Variants in SOX6 observed in about 807,000 individuals in gnomAD.
SOX6 encodes the protein SRY-box transcription factor 6, also known as transcription factor SOX-6.
SOX6 carries 11 observed loss-of-function variants against 97.8 expected under a neutral mutation model. The observed-to-expected ratio is 0.11, with a 90% CI of 0.07 to 0.19. The LOEUF is 0.19. Ranked by LOEUF, SOX6 falls within the 10% of genes least tolerant of loss-of-function variation. SOX6 has a pLI of 1.00. For synonymous variants in SOX6, 360 were observed against 371.4 expected, an observed-to-expected ratio of 0.97 and a Z score of 0.35; for missense variants, 810 against 1,039.5, an observed-to-expected ratio of 0.78 and a Z score of 3.04.
Position 16,234,667 on chromosome 11 carries a change from G to A in SOX6, c.450C>T (p.Ser150=). Residue 150 remains serine (S), a synonymous_variant, in exon 4 of 16, where the codon TCC becomes TCT. Transcript: ENST00000683767. The part of the protein sequence containing the change: ...EEMTRTEQED[S]SCMEKLLSKD... Reference sequence around the variant, plus strand: ...TTGAAAGTAGTTTTTCCATGCAGGAGGAATCTATTAAAATACAAAAGTAAG... The same window carrying A: ...TTGAAAGTAGTTTTTCCATGCAGGAAGAATCTATTAAAATACAAAAGTAAG... 6.4e-7 allele frequency: 1 copy of A among 1,552,510 alleles called. No individual in the cohort carries two copies. The highest frequency in any genetic ancestry group is 8.8e-7 in the Non-Finnish European group (1 of 1,132,108).
intron 1 of SOX6, among the ~76,000 whole-genome samples, chr11:16,737,415 C>T (rs562402688): frequency 6.6e-6 from 1 of 152,098 alleles, no homozygotes; most frequent in East Asian, 1.9e-4. Context: ...CCATGTTGAT[C>T]AGGCTGGTCT....
intron 3 of SOX6, among the ~76,000 whole-genome samples, chr11:16,239,762 A>G (rs1350208599): frequency 6.6e-6 from 1 of 151,990 alleles, no homozygotes; most frequent in Non-Finnish European, 1.5e-5. Flanking sequence ...TAAGGAATGC[A>G]CCAACTGTTT....
chr11:16,520,967 A>T (rs1369538109), intron 4 of SOX6, among the ~76,000 whole-genome samples: 1 of 152,244 alleles, frequency 6.6e-6, no homozygotes, highest in Non-Finnish European at 1.5e-5. Flanking sequence ...AGGTAAACAA[A>T]GCAGCCGGGA....
At chr11:16,276,338 C>T (rs1368854487) in intron 3 of SOX6, among the ~76,000 whole-genome samples, 1 of 152,120 alleles carries the variant, frequency 6.6e-6, no homozygotes, top group Non-Finnish European at 1.5e-5. Context: ...ACTAGGTTGG[C>T]AATGAAAAAG....
chr11:16,452,223 T>C (rs1859731833), intron 1 of SOX6, among the ~76,000 whole-genome samples: 1 of 152,150 alleles, frequency 6.6e-6, no homozygotes, highest in East Asian at 1.9e-4. Flanking sequence ...ATCAAATAAA[T>C]CCATGTCTGT....
intron 1 of SOX6, among the ~76,000 whole-genome samples, chr11:16,391,223 G>A (rs1029216967): frequency 6.6e-6 from 1 of 152,108 alleles, no homozygotes; most frequent in Non-Finnish European, 1.5e-5. Context: ...AACATTATGA[G>A]AAATACCTAA....
chr11:16,028,354 C>T (rs914332019), intron 12 of SOX6, among the ~76,000 whole-genome samples: 4 of 152,168 alleles, frequency 2.6e-5, no homozygotes, highest in African/African-American at 9.7e-5. Context: ...CATAGATCCA[C>T]AAAGCTTTCA....
intron 3 of SOX6, among the ~76,000 whole-genome samples, chr11:16,235,931 A>T (rs904572348): frequency 5.3e-5 from 8 of 152,082 alleles, no homozygotes; most frequent in African/African-American, 1.9e-4. Context: ...CAATCAATCA[A>T]GGAAGGGATA....
At chr11:16,701,837 T>C (rs952878729) in intron 3 of SOX6, among the ~76,000 whole-genome samples, 1 of 150,854 alleles carries the variant, frequency 6.6e-6, no homozygotes. Context: ...GAGCTTGCAG[T>C]GAGCCGAAAT....
At chr11:16,217,652 C>T (rs558732628) in intron 4 of SOX6, among the ~76,000 whole-genome samples, 12 of 152,102 alleles carry the variant, frequency 7.9e-5, no homozygotes, top group Admixed American at 1.3e-4. Flanking sequence ...AGAAGGCTAA[C>T]ATTTTATTTC....
intron 4 of SOX6, among the ~76,000 whole-genome samples, chr11:16,226,658 T>C (rs2351959): frequency 0.88 from 134,022 of 152,132 alleles, 59,195 homozygotes; most frequent in East Asian, 1. Flanking sequence ...TCCTTTAGTA[T>C]AACTCAAACA....
intron 1 of SOX6, chr11:16,434,515 T>C (rs1327750956): frequency 1.3e-5 from 2 of 152,212 alleles, no homozygotes; most frequent in Admixed American, 6.5e-5. Flanking sequence ...TCCCTTTACA[T>C]GTCTTCTTAA....
intron 1 of SOX6, among the ~76,000 whole-genome samples, chr11:16,399,926 G>C (rs1858500976): frequency 6.6e-6 from 1 of 151,384 alleles, no homozygotes. Flanking sequence ...GGAAGTTTTA[G>C]CCAGTGCAAA....
Position 16,282,987 on chromosome 11 carries a change from G to A in SOX6, c.445+35459C>T, listed in dbSNP as rs1408706677. 5.5e-5 allele frequency among the ~76,000 whole-genome samples: 8 copies of A among 144,146 alleles called. No individual in the cohort carries two copies. The Admixed American group carries it at 5.8e-4, about 10-fold the overall frequency. The allele number at this position is 144,146 out of a possible 152,430, so 94.6% of individuals were successfully genotyped here. ...ATGGGAGAATCAAAATTTATTTGGT[G>A]AGAGAGAGAAAGGGAGCCCTATGAG... On this transcript the variant is annotated intron_variant, in intron 3 of 15. Transcript: ENST00000683767.
chr11:16,459,382 C>A (rs2133104479), intron 1 of SOX6, among the ~76,000 whole-genome samples: 1 of 152,044 alleles, frequency 6.6e-6, no homozygotes, highest in African/African-American at 2.4e-5. Flanking sequence ...TACAAAAATA[C>A]TGAGCACTTA....
chr11:16,325,238 T>C (rs888249441), intron 2 of SOX6, among the ~76,000 whole-genome samples: 3 of 152,076 alleles, frequency 2.0e-5, no homozygotes, highest in African/African-American at 7.2e-5. Flanking sequence ...CAAGGAAAGA[T>C]GTATTAAATG....
intron 3 of SOX6, among the ~76,000 whole-genome samples, chr11:16,638,152 G>A (rs146319541): frequency 0.016 from 2,450 of 148,672 alleles, 27 homozygotes; most frequent in Non-Finnish European, 0.025. Context: ...GAGAACATGC[G>A]GTGTTTGGTT....
At chr11:16,543,417 T>A (rs748199063) in intron 4 of SOX6, among the ~76,000 whole-genome samples, 26 of 118,328 alleles carry the variant, frequency 2.2e-4, no homozygotes, top group Admixed American at 9.2e-4. Context: ...AAAAAAAAAA[T>A]CATCTTCATT....
In SOX6 at chr11:16,230,116, T is replaced by C. The variant is rs148058851; in HGVS notation, c.535+4466A>G. On this transcript the variant is annotated intron_variant, in intron 4 of 15. Coordinates refer to ENST00000683767, the MANE Select transcript of SOX6 (RefSeq NM_001367873.1). ...TAATAAGATATTCCATGAAATAAAA[T>C]GCAAGTTATTTTAATAGACCAAACT... Among the ~76,000 whole-genome samples the C allele has an allele frequency of 5.3e-5, 8 of 151,868 alleles. No homozygotes were observed. The East Asian group carries it at 1.5e-3, about 29-fold the overall frequency.
Sources: gnomAD v4.1 joint callset for allele counts (sites outside exome capture counted in the v4.1 genomes callset) on GRCh38, gnomAD v4.1.1 for gene constraint, MANE v1.5 for transcripts, NCBI Gene and HGNC (gene_info 2026-07-23, HGNC 2026-07-21) for gene names.